CYP26B1: variants seen among roughly 807,000 people sequenced by gnomAD.
CYP26B1 encodes cytochrome P450 family 26 subfamily B member 1, also known as cytochrome P450 26B1.
Under a neutral mutation model 39.1 loss-of-function variants are expected in CYP26B1, and 8 were observed. The observed-to-expected ratio is 0.20, with a 90% CI of 0.12 to 0.37. The LOEUF is 0.37. CYP26B1 is among the 10% of genes least tolerant of loss of function. CYP26B1 has a pLI of 1.00. For missense variants in CYP26B1, 615 were observed against 707.0 expected (o/e 0.87, Z 1.48); for synonymous variants, 321 against 314.3 (o/e 1.02, Z -0.23).
chr2:72,136,326 C>T (rs937464966), intron 2 of CYP26B1, among the ~76,000 whole-genome samples: 4 of 152,188 alleles, frequency 2.6e-5, no homozygotes, highest in South Asian at 2.1e-4. Flanking sequence ...CACACACACG[C>T]GCCGCCCTCC....
rs1406701796 is a variant in CYP26B1, at chr2:72,135,113, G to C, written c.705+31C>G. The C allele has an allele frequency of 1.9e-6, 3 of 1,611,304 alleles. No individual in the cohort carries two copies. In the Admixed American group the frequency reaches 5.0e-5, roughly 27 times the overall value. On this transcript the variant is annotated intron_variant, in intron 3 of 5. Coordinates refer to ENST00000001146, the MANE Select transcript of CYP26B1 (RefSeq NM_019885.4). Reference sequence around the variant, plus strand: ...AGAGAGGGGGCTCATGGATGCCCCTGCTCCTCTCCTCCCAGGCCCTGGGTG... The same window carrying C: ...AGAGAGGGGGCTCATGGATGCCCCTCCTCCTCTCCTCCCAGGCCCTGGGTG...
At chr2:72,146,725 G>A (rs1572932465) in intron 1 of CYP26B1, among the ~76,000 whole-genome samples, 1 of 152,202 alleles carries the variant, frequency 6.6e-6, no homozygotes, top group East Asian at 1.9e-4. Context: ...CGCAGTTACT[G>A]CAGAGGCGCT....
chr2:72,146,806 G>C (rs1447837138), intron 1 of CYP26B1, among the ~76,000 whole-genome samples: 3 of 152,176 alleles, frequency 2.0e-5, no homozygotes, highest in Non-Finnish European at 4.4e-5. Flanking sequence ...CACTTGATGA[G>C]GTGAACTCCA....
In CYP26B1 at chr2:72,136,623, A is replaced by G. The variant is rs148197613; in HGVS notation, c.430-1204T>C. Among the ~76,000 whole-genome samples the G allele has an allele frequency of 1.2e-4, 18 of 152,364 alleles. No homozygotes were observed. The East Asian group carries it at 3.3e-3, about 28-fold the overall frequency. The stretch of plus-strand genomic sequence containing the variant: ...GGGGCCGCTCCTGCTACAAAGGGAC[A>G]GCTGAGAGGTAGAAGGACGATAGGA... On this transcript the variant is annotated intron_variant, in intron 2 of 5. Transcript: ENST00000001146.
At chr2:72,136,259 G>C (rs1314969029) in intron 2 of CYP26B1, among the ~76,000 whole-genome samples, 1 of 152,174 alleles carries the variant, frequency 6.6e-6, no homozygotes, top group Non-Finnish European at 1.5e-5. Flanking sequence ...CCAAGCAAAG[G>C]CTGGGAGGGG....
At chr2:72,132,720 C>A in intron 5 of CYP26B1, 101 bp from the exon 6 acceptor site, 1 of 1,501,092 alleles carries the variant, frequency 6.7e-7, no homozygotes, top group Non-Finnish European at 8.9e-7. Flanking sequence ...ATGTTCAAGA[C>A]CTGCCTTTTC....
intron 2 of CYP26B1, 75 bp from the exon 3 acceptor site, chr2:72,135,494 C>A (rs1008317843): frequency 6.3e-7 from 1 of 1,583,558 alleles, no homozygotes; most frequent in East Asian, 2.2e-5. Flanking sequence ...TCTGCCTGAA[C>A]AATGAATGTG....
At chr2:72,144,834 G>A (rs777315864) in intron 1 of CYP26B1, among the ~76,000 whole-genome samples, 1 of 152,172 alleles carries the variant, frequency 6.6e-6, no homozygotes, top group Non-Finnish European at 1.5e-5. Context: ...TTTGGTTGCC[G>A]CCCTGGAGTT....
At position 72,132,019 on chromosome 2, in the gene CYP26B1, G is replaced by T; in HGVS notation, c.*208C>A. 1 of 615,248 alleles carries T rather than the reference G, an allele frequency of 1.6e-6. No homozygotes were observed. The highest frequency in any genetic ancestry group is 1.8e-5 in the African/African-American group (1 of 54,168). 38.1% of individuals were successfully genotyped at this position (615,248 alleles called of 1,614,324 possible). A position where few individuals can be genotyped will look rare whatever the true frequency, so the allele number is the denominator to read the frequency against. On this transcript the variant is annotated 3_prime_UTR_variant, in exon 6 of 6. Transcript: ENST00000001146. ...AGCTGATGGTAAATGGGGAGTGGCT[G>T]GAGGGAAGCTGGAGCCAGAAGGGGA...
chr2:72,136,571 C>T (rs181597188), intron 2 of CYP26B1, among the ~76,000 whole-genome samples: 232 of 152,240 alleles, frequency 1.5e-3, no homozygotes, highest in African/African-American at 5.0e-3. Context: ...AGGAGGCCGG[C>T]GAGGGGCAGA....
In CYP26B1 at chr2:72,135,254, C is replaced by T. The variant is rs755847410; in HGVS notation, c.595G>A (p.Gly199Ser). The T allele has an allele frequency of 1.9e-6, 3 of 1,613,932 alleles. No individual in the cohort carries two copies. The East Asian group carries it at 6.7e-5, about 36-fold the overall frequency. The change falls in exon 3 of 6, where the codon GGC becomes AGC. Residue 199 changes from glycine to serine, a missense_variant. By Grantham distance (56) the Gly-to-Ser change is moderately conservative. Coordinates refer to ENST00000001146, the MANE Select transcript of CYP26B1 (RefSeq NM_019885.4). ...TFRMAIRVLL[G>S]FSIPEEDLGH... ...AGGTCCTCCTCAGGGATGCTGAAGCCCAGCAGCACCCGGATGGCCATGCGG... is the reference window on the plus strand; with the variant it reads ...AGGTCCTCCTCAGGGATGCTGAAGCTCAGCAGCACCCGGATGGCCATGCGG...
At chr2:72,143,737 C>A (rs1391770278) in intron 2 of CYP26B1, among the ~76,000 whole-genome samples, 1 of 152,368 alleles carries the variant, frequency 6.6e-6, no homozygotes, top group East Asian at 1.9e-4. Context: ...AGACCCCGCA[C>A]GCTCAAGCTC....
At position 72,147,607 on chromosome 2, in the gene CYP26B1, G is replaced by C. The variant is rs1416945732; in HGVS notation, c.204+24C>G. The C allele has an allele frequency of 6.3e-7, 1 of 1,597,156 alleles. No homozygotes were observed. Among genetic ancestry groups the C allele is most frequent in the East Asian group, 2.3e-5 (1 of 43,632 alleles). On this transcript the variant is annotated intron_variant, in intron 1 of 5. Transcript: ENST00000001146. This position sits in a 1 kb window ranked among gnomAD's most constrained non-coding sequence, Gnocchi z 6.1. ...GCTCGCAGCTAGCGGACCCCGGAGT[G>C]CAGCGGAGCGAGCGCGCCCTTACCT...
At position 72,132,580 on chromosome 2, in the gene CYP26B1, T is replaced by A; in HGVS notation, c.1186A>T (p.Ile396Phe). The A allele has an allele frequency of 6.2e-7, 1 of 1,611,798 alleles. No individual in the cohort carries two copies. The highest frequency in any genetic ancestry group is 8.5e-7 in the Non-Finnish European group (1 of 1,179,030). The change falls in exon 6 of 6, where the codon ATC becomes TTC. Residue 396 changes from isoleucine (I) to phenylalanine (F), a missense_variant. By Grantham distance (21) the Ile-to-Phe change is conservative. Transcript: ENST00000001146. ...GGCGCTGTGTCATGGGTGTCCCGGA[T>A]GCTATACATGACACTCCAGCCTTTG... ...IPKGWSVMYSIRDTHDTAPVF... is the reference protein window; with the variant it reads ...IPKGWSVMYSFRDTHDTAPVF...
intron 2 of CYP26B1, among the ~76,000 whole-genome samples, chr2:72,140,509 A>G (rs943073418): frequency 6.6e-6 from 1 of 152,226 alleles, no homozygotes; most frequent in African/African-American, 2.4e-5. Context: ...CCTTTCATCC[A>G]ACGCAGGTTG....
Position 72,135,227 on chromosome 2 carries a change from C to T in CYP26B1, c.622G>A (p.Gly208Arg), listed in dbSNP as rs373209334. The change falls in exon 3 of 6, where the codon GGG becomes AGG. Residue 208 changes from glycine (G) to arginine (R), a missense_variant. By Grantham distance (125) the Gly-to-Arg change is moderately radical. Transcript: ENST00000001146. ...LGFSIPEEDL[G>R]HLFEVYQQFV... The stretch of plus-strand genomic sequence containing the variant: ...TGCTGGTAGACCTCAAAGAGGTGCC[C>T]AAGGTCCTCCTCAGGGATGCTGAAG... The T allele has an allele frequency of 3.7e-6, 6 of 1,613,984 alleles. No homozygotes were observed. Among genetic ancestry groups the T allele is most frequent in the South Asian group, 1.1e-5 (1 of 91,080 alleles).
Position 72,129,282 on chromosome 2 carries a change from T to G in CYP26B1, c.*2945A>C, listed in dbSNP as rs1468697367. Reference sequence around the variant, plus strand: ...TCTAGAAGCCTATAGAAGAGCCACATTGAGTATTTCCAAAATCACAAAATG... The same window carrying G: ...TCTAGAAGCCTATAGAAGAGCCACAGTGAGTATTTCCAAAATCACAAAATG... On this transcript the variant is annotated 3_prime_UTR_variant, in exon 6 of 6. Coordinates refer to ENST00000001146, the MANE Select transcript of CYP26B1 (RefSeq NM_019885.4). The G allele has an allele frequency of 6.6e-6, 1 of 152,436 alleles. No individual in the cohort carries two copies. The highest frequency in any genetic ancestry group is 1.5e-5 in the Non-Finnish European group (1 of 68,034). 9.4% of individuals were successfully genotyped at this position (152,436 alleles called of 1,614,324 possible).
chr2:72,136,795 C>T (rs930741994), intron 2 of CYP26B1, among the ~76,000 whole-genome samples: 3 of 152,230 alleles, frequency 2.0e-5, no homozygotes, highest in Non-Finnish European at 4.4e-5. Context: ...CAACCCCCAA[C>T]CCTCATGTCC....
In CYP26B1 at chr2:72,136,408, G is replaced by A. The variant is rs191064414; in HGVS notation, c.430-989C>T. On this transcript the variant is annotated intron_variant, in intron 2 of 5. Transcript: ENST00000001146. ...GAATTTCCCCTGCAGTCAGCTCGGG[G>A]AGGAAAGGTAACATTTTCCTGGCCT... Among the ~76,000 whole-genome samples, 1,426 of 152,366 alleles carry A rather than the reference G, an allele frequency of 9.4e-3. 14 individuals carry two copies. Among genetic ancestry groups the A allele is most frequent in the Non-Finnish European group, 0.016 (1,077 of 68,036 alleles).
Sources: gnomAD v4.1 joint callset for allele counts (sites outside exome capture counted in the v4.1 genomes callset) on GRCh38, gnomAD v4.1.1 for gene constraint, Gnocchi (gnomAD v3.1) non-coding constraint, MANE v1.5 for transcripts, NCBI Gene and HGNC (gene_info 2026-07-23, HGNC 2026-07-21) for gene names.